Variants in GALNTL6 observed in about 807,000 individuals in gnomAD.
GALNTL6 encodes the protein polypeptide N-acetylgalactosaminyltransferase-like 6.
Under a neutral mutation model 73.7 loss-of-function variants are expected in GALNTL6, and 46 were observed. The ratio of observed to expected loss-of-function variants is 0.62; its 90% CI spans 0.49 to 0.80. GALNTL6 has a LOEUF of 0.80. Ranked by LOEUF, GALNTL6 falls within the 30% of genes least tolerant of loss-of-function variation. The pLI, the probability that GALNTL6 is intolerant of heterozygous loss-of-function variation, is 0.00. For synonymous variants in GALNTL6, 259 were observed against 263.7 expected, an observed-to-expected ratio of 0.98 and a Z score of 0.17; for missense variants, 604 against 755.0, an observed-to-expected ratio of 0.80 and a Z score of 2.34.
At chr4:172,589,071 T>C (rs1399350011) in intron 5 of GALNTL6, among the ~76,000 whole-genome samples, 1 of 152,186 alleles carries the variant, frequency 6.6e-6, no homozygotes, top group African/African-American at 2.4e-5. Flanking sequence ...AAGTTAAACA[T>C]TTTATATGGC....
chr4:172,031,516 T>C (rs1448200794), intron 2 of GALNTL6, among the ~76,000 whole-genome samples: 2 of 152,148 alleles, frequency 1.3e-5, no homozygotes, highest in Non-Finnish European at 2.9e-5. Flanking sequence ...CCTTTGTCAT[T>C]GCTTTGTGGC....
chr4:172,828,014 G>T (rs931545190), intron 7 of GALNTL6, among the ~76,000 whole-genome samples: 3 of 152,182 alleles, frequency 2.0e-5, no homozygotes, highest in African/African-American at 7.2e-5. Flanking sequence ...GCTCACGCCT[G>T]TAATCCCAGC....
At chr4:171,989,791 G>A (rs972298958) in intron 2 of GALNTL6, among the ~76,000 whole-genome samples, 1 of 152,146 alleles carries the variant, frequency 6.6e-6, no homozygotes, top group Non-Finnish European at 1.5e-5. Flanking sequence ...ACGGCCTTTT[G>A]ACCTTTTAAG....
At chr4:172,821,978 C>A (rs573076495) in intron 7 of GALNTL6, among the ~76,000 whole-genome samples, 1 of 152,274 alleles carries the variant, frequency 6.6e-6, no homozygotes, top group East Asian at 1.9e-4. Flanking sequence ...AGGGAAATCA[C>A]ATCTGACAAA....
rs146723387 is a variant in GALNTL6 at position 172,599,461 on chromosome 4, C to A, written c.554-209900C>A. Among the ~76,000 whole-genome samples the A allele has an allele frequency of 4.8e-3, 724 of 152,214 alleles. 2 individuals carry two copies. The highest frequency in any genetic ancestry group is 0.01 in the Middle Eastern group (3 of 294). ...TGTATTGCTGAGTTAAGAATAAAATCTGAGACCCTACTTGCCAGTTGTTAT... is the reference window on the plus strand; with the variant it reads ...TGTATTGCTGAGTTAAGAATAAAATATGAGACCCTACTTGCCAGTTGTTAT... On this transcript the variant is annotated intron_variant, in intron 5 of 12. Coordinates refer to ENST00000506823, the MANE Select transcript of GALNTL6 (RefSeq NM_001034845.3).
chr4:172,621,535 C>T (rs773854145), intron 5 of GALNTL6, among the ~76,000 whole-genome samples: 2 of 152,134 alleles, frequency 1.3e-5, no homozygotes, highest in Non-Finnish European at 2.9e-5. Flanking sequence ...TTTACAACCT[C>T]GTCAGTTTAT....
chr4:172,633,549 A>C (rs12506414), intron 5 of GALNTL6, among the ~76,000 whole-genome samples: 66,001 of 152,074 alleles, frequency 0.43, 16,359 homozygotes, highest in East Asian at 0.68. Context: ...TTACAGGCTT[A>C]TAGGTGGGAG....
At chr4:172,877,631 G>A (rs1239900756) in intron 7 of GALNTL6, among the ~76,000 whole-genome samples, 4 of 151,288 alleles carry the variant, frequency 2.6e-5, no homozygotes, top group Non-Finnish European at 4.4e-5. Flanking sequence ...TGAGTAAAAA[G>A]GAAAGCATAT....
At position 172,056,339 on chromosome 4, in the gene GALNTL6, C is replaced by T. The variant is rs74831987; in HGVS notation, c.139-173317C>T. On this transcript the variant is annotated intron_variant, in intron 2 of 12. Coordinates refer to ENST00000506823, the MANE Select transcript of GALNTL6 (RefSeq NM_001034845.3). Reference sequence around the variant, plus strand: ...TGTAAATAGTTGTGTAGCATTCTTTCGTATATACAAGTACCATAATTGATT... The same window carrying T: ...TGTAAATAGTTGTGTAGCATTCTTTTGTATATACAAGTACCATAATTGATT... 6.5e-3 allele frequency among the ~76,000 whole-genome samples: 983 copies of T among 152,176 alleles called. 9 individuals carry two copies. The highest frequency in any genetic ancestry group is 0.022 in the African/African-American group (922 of 41,538).
intron 5 of GALNTL6, among the ~76,000 whole-genome samples, chr4:172,377,204 G>C (rs1272586451): frequency 1.3e-5 from 2 of 152,120 alleles, no homozygotes; most frequent in African/African-American, 4.8e-5. Flanking sequence ...GTTTTATAGA[G>C]AGCTGATTGG....
intron 2 of GALNTL6, among the ~76,000 whole-genome samples, chr4:172,121,008 A>G (rs1023662311): frequency 1.3e-4 from 20 of 152,130 alleles, no homozygotes; most frequent in African/African-American, 4.8e-4. Context: ...CAACCTTAAT[A>G]ACAGAGAGGG....
chr4:172,569,531 A>G, intron 5 of GALNTL6, among the ~76,000 whole-genome samples: 1 of 152,256 alleles, frequency 6.6e-6, no homozygotes, highest in South Asian at 2.1e-4. Context: ...ATGCTTCAGC[A>G]AACCTGTGGC....
At chr4:172,060,393 G>A (rs367961922) in intron 2 of GALNTL6, among the ~76,000 whole-genome samples, 171 of 151,956 alleles carry the variant, frequency 1.1e-3, no homozygotes, top group African/African-American at 4.0e-3. Flanking sequence ...TAATGCATAC[G>A]CATGAATGAA....
intron 5 of GALNTL6, among the ~76,000 whole-genome samples, chr4:172,535,971 A>G (rs1735332441): frequency 6.6e-6 from 1 of 152,178 alleles, no homozygotes; most frequent in Non-Finnish European, 1.5e-5. Context: ...CATGGGAAGG[A>G]CCCAGTGGGT....
intron 8 of GALNTL6, among the ~76,000 whole-genome samples, chr4:172,914,893 G>A (rs1747417491): frequency 1.3e-5 from 2 of 152,174 alleles, no homozygotes; most frequent in South Asian, 4.1e-4. Context: ...TCTGCACCAA[G>A]TGGACCTAAT....
chr4:172,547,710 A>C (rs1275515472), intron 5 of GALNTL6, among the ~76,000 whole-genome samples: 2 of 152,164 alleles, frequency 1.3e-5, no homozygotes, highest in Non-Finnish European at 2.9e-5. Context: ...TAACTATAAA[A>C]ATTTCAAATG....
intron 5 of GALNTL6, among the ~76,000 whole-genome samples, chr4:172,766,592 A>T (rs781777481): frequency 1.1e-4 from 16 of 152,196 alleles, no homozygotes; most frequent in Non-Finnish European, 2.1e-4. Flanking sequence ...AGGACTATGG[A>T]GAACCATCAT....
chr4:172,137,646 C>G (rs909436272), intron 2 of GALNTL6, among the ~76,000 whole-genome samples: 1 of 151,986 alleles, frequency 6.6e-6, no homozygotes, highest in African/African-American at 2.4e-5. Flanking sequence ...GAAAAAAAGC[C>G]AAAAAACTAC....
intron 2 of GALNTL6, among the ~76,000 whole-genome samples, chr4:171,970,115 A>T (rs1056036315): frequency 3.3e-5 from 5 of 152,172 alleles, no homozygotes; most frequent in African/African-American, 1.2e-4. Flanking sequence ...ATTCAACTTG[A>T]CTTTGCGTAT....
Sources: gnomAD v4.1 joint callset for allele counts (sites outside exome capture counted in the v4.1 genomes callset) on GRCh38, gnomAD v4.1.1 for gene constraint, MANE v1.5 for transcripts, NCBI Gene and HGNC (gene_info 2026-07-23, HGNC 2026-07-21) for gene names.